CCSER1: variants seen among roughly 807,000 people sequenced by gnomAD.
CCSER1 encodes the protein coiled-coil serine rich protein 1, also known as serine-rich coiled-coil domain-containing protein 1.
In CCSER1, 41 loss-of-function variants were observed where a neutral mutation model predicts 82.0. The ratio of observed to expected loss-of-function variants is 0.50; its 90% CI spans 0.39 to 0.65. The LOEUF (loss-of-function observed/expected upper bound fraction) is 0.65, where lower values mean the gene tolerates loss of function less well. Among genes scored for constraint, CCSER1 ranks in the 30% least tolerant of loss-of-function variants. The probability of loss-of-function intolerance (pLI) is 0.00; values close to 1 mark genes in which losing one functional copy is unlikely to be tolerated. For synonymous variants in CCSER1, 414 were observed against 383.9 expected, an observed-to-expected ratio of 1.08 and a Z score of -0.92; for missense variants, 1,119 against 1,064.2, an observed-to-expected ratio of 1.05 and a Z score of -0.72.
intron 10 of CCSER1, among the ~76,000 whole-genome samples, chr4:91,314,876 A>ATACT (rs1745720928): frequency 6.6e-6 from 1 of 151,912 alleles, no homozygotes. Flanking sequence ...GGCTCCCTAA[A>ATACT]GGTAATGATT....
At chr4:91,015,022 T>C in intron 9 of CCSER1, among the ~76,000 whole-genome samples, 1 of 135,768 alleles carries the variant, frequency 7.4e-6, no homozygotes, top group East Asian at 2.3e-4. Context: ...AATACAAACT[T>C]ACTGTATAGT....
chr4:90,367,251 G>T (rs1272998411), intron 3 of CCSER1, among the ~76,000 whole-genome samples: 2 of 151,840 alleles, frequency 1.3e-5, no homozygotes, highest in East Asian at 1.9e-4. Context: ...ACAAACAGAA[G>T]AAAATTCCCT....
Position 91,448,250 on chromosome 4 carries a change from G to C in CCSER1, c.2218-150322G>C, listed in dbSNP as rs576967831. On this transcript the variant is annotated intron_variant, in intron 10 of 10. Transcript: ENST00000509176. ...TTGACAGACTAATTTCTCTGTTCTT[G>C]CTTTTCTATAAATTTAATTTTCAGC... Among the ~76,000 whole-genome samples the C allele has an allele frequency of 4.2e-4, 64 of 151,890 alleles. 1 individual carries two copies. The South Asian group carries it at 0.012, about 30-fold the overall frequency.
chr4:91,225,229 T>C, intron 10 of CCSER1, among the ~76,000 whole-genome samples: 1 of 141,974 alleles, frequency 7.0e-6, no homozygotes, highest in East Asian at 2.0e-4. Context: ...TATACAGTTA[T>C]ATACATGTAT....
intron 3 of CCSER1, among the ~76,000 whole-genome samples, chr4:90,328,663 C>T (rs770824410): frequency 2.0e-5 from 3 of 152,154 alleles, no homozygotes; most frequent in African/African-American, 7.2e-5. Context: ...ATCCAGGAAA[C>T]TTGGCAACCC....
intron 4 of CCSER1, among the ~76,000 whole-genome samples, chr4:90,420,984 C>T (rs1365327138): frequency 6.6e-6 from 1 of 152,082 alleles, no homozygotes; most frequent in African/African-American, 2.4e-5. Flanking sequence ...CCAGGAACAT[C>T]AGCTGTCACT....
intron 5 of CCSER1, among the ~76,000 whole-genome samples, chr4:90,622,054 T>C (rs1424689390): frequency 6.6e-6 from 1 of 152,222 alleles, no homozygotes; most frequent in Admixed American, 6.5e-5. Context: ...ATAAATGTGG[T>C]TGTAAGTTAT....
intron 10 of CCSER1, among the ~76,000 whole-genome samples, chr4:91,248,768 T>TTAA (rs910422712): frequency 1.4e-5 from 2 of 147,430 alleles, no homozygotes; most frequent in Non-Finnish European, 3.0e-5. Context: ...TCGACTTTAG[T>TTAA]TAATAATGTA....
intron 10 of CCSER1, among the ~76,000 whole-genome samples, chr4:91,420,009 G>A (rs893355699): frequency 4.6e-5 from 7 of 152,188 alleles, no homozygotes; most frequent in African/African-American, 1.7e-4. Flanking sequence ...GCAAAAGAGT[G>A]AAACTGGACC....
chr4:90,958,353 C>G (rs1733729634), intron 9 of CCSER1, among the ~76,000 whole-genome samples: 1 of 152,146 alleles, frequency 6.6e-6, no homozygotes, highest in Non-Finnish European at 1.5e-5. Flanking sequence ...GCTAATAAAA[C>G]AGTAAAGTAA....
chr4:91,412,619 T>C (rs910636913), intron 10 of CCSER1, among the ~76,000 whole-genome samples: 13 of 151,940 alleles, frequency 8.6e-5, no homozygotes, highest in African/African-American at 3.1e-4. Flanking sequence ...AACCATAGAC[T>C]CTGCGGCAGA....
chr4:90,573,283 C>T (rs1038473638), intron 5 of CCSER1, among the ~76,000 whole-genome samples: 2 of 152,238 alleles, frequency 1.3e-5, no homozygotes, highest in Non-Finnish European at 2.9e-5. Flanking sequence ...AGGCATCTTT[C>T]TGGGGCAGGG....
At chr4:91,390,404 T>G (rs1350263807) in intron 10 of CCSER1, among the ~76,000 whole-genome samples, 5 of 151,916 alleles carry the variant, frequency 3.3e-5, no homozygotes, top group Non-Finnish European at 7.4e-5. Context: ...TCATGCTGTA[T>G]TATAATTCTT....
At chr4:90,781,977 AT>A (rs1435816923) in intron 7 of CCSER1, 2 of 884,250 alleles carry the variant, frequency 2.3e-6, no homozygotes, top group Admixed American at 1.2e-4. Flanking sequence ...AGGAACAAAA[AT>A]AAAATGAAGA....
chr4:91,068,273 A>G (rs985736194), intron 9 of CCSER1, among the ~76,000 whole-genome samples: 1 of 152,162 alleles, frequency 6.6e-6, no homozygotes, highest in Non-Finnish European at 1.5e-5. Context: ...TGGTCATTTT[A>G]TTTTCAGTTA....
intron 6 of CCSER1, among the ~76,000 whole-genome samples, chr4:90,686,223 T>G (rs746573612): frequency 2.0e-5 from 3 of 152,066 alleles, no homozygotes; most frequent in Non-Finnish European, 4.4e-5. Flanking sequence ...TCCACCCCTC[T>G]CTCTCGACCC....
At chr4:91,595,943 TAAAAAAAA>T (rs1170927227) in intron 10 of CCSER1, among the ~76,000 whole-genome samples, 1 of 78,888 alleles carries the variant, frequency 1.3e-5, no homozygotes, top group Non-Finnish European at 2.3e-5. Context: ...ACAGAGAACT[TAAAAAAAA>T]AAAAAAAAAA....
intron 5 of CCSER1, among the ~76,000 whole-genome samples, chr4:90,619,955 G>A (rs1448714806): frequency 6.6e-6 from 1 of 152,044 alleles, no homozygotes; most frequent in Non-Finnish European, 1.5e-5. Context: ...TGGAGAAAAG[G>A]TACTGAACAT....
At chr4:90,533,258 CT>C (rs527903434) in intron 5 of CCSER1, among the ~76,000 whole-genome samples, 9 of 147,512 alleles carry the variant, frequency 6.1e-5, no homozygotes, top group African/African-American at 7.4e-5. Context: ...CGCCTGGCAA[CT>C]TTTTTTTTTG....
Sources: gnomAD v4.1 joint callset for allele counts (sites outside exome capture counted in the v4.1 genomes callset) on GRCh38, gnomAD v4.1.1 for gene constraint, MANE v1.5 for transcripts, NCBI Gene and HGNC (gene_info 2026-07-23, HGNC 2026-07-21) for gene names.